Variants in PHLDB2 observed in about 807,000 individuals in gnomAD.
PHLDB2 encodes pleckstrin homology-like domain family B member 2.
In PHLDB2, 71 loss-of-function variants were observed where a neutral mutation model predicts 123.6. The ratio of observed to expected loss-of-function variants is 0.57; its 90% CI spans 0.47 to 0.70. PHLDB2 has a LOEUF of 0.70. PHLDB2 is among the 30% of genes least tolerant of loss of function. The probability of loss-of-function intolerance (pLI) is 0.00; values close to 1 mark genes in which losing one functional copy is unlikely to be tolerated. For synonymous variants in PHLDB2, 547 were observed against 541.6 expected (o/e 1.01, Z -0.14); for missense variants, 1,446 against 1,519.5 (o/e 0.95, Z 0.80).
chr3:111,905,367 T>C (rs1255206323), intron 2 of PHLDB2, among the ~76,000 whole-genome samples: 3 of 152,140 alleles, frequency 2.0e-5, no homozygotes, highest in African/African-American at 7.2e-5. Context: ...ATTTATTTAT[T>C]TATTTATTTG....
chr3:111,861,129 G>A (rs1050664295), intron 1 of PHLDB2, among the ~76,000 whole-genome samples: 1 of 152,198 alleles, frequency 6.6e-6, no homozygotes, highest in African/African-American at 2.4e-5. Flanking sequence ...GTTAGCAACA[G>A]AACTGTCGGA....
chr3:111,791,687 G>A (rs55898943), intron 1 of PHLDB2, among the ~76,000 whole-genome samples: 11,209 of 151,878 alleles, frequency 0.074, 1,115 homozygotes, highest in African/African-American at 0.23. Context: ...TCTAAATTTC[G>A]TCAGTGATAC....
chr3:111,749,697 C>T (rs2059738165), intron 1 of PHLDB2, among the ~76,000 whole-genome samples: 1 of 152,198 alleles, frequency 6.6e-6, no homozygotes, highest in Non-Finnish European at 1.5e-5. Flanking sequence ...GCCAGTAGTA[C>T]TTTTTCATTT....
intron 1 of PHLDB2, among the ~76,000 whole-genome samples, chr3:111,779,478 T>A (rs2060329731): frequency 6.6e-6 from 1 of 152,052 alleles, no homozygotes; most frequent in Non-Finnish European, 1.5e-5. Flanking sequence ...GAGCTCTCAC[T>A]TGTGGGAACA....
intron 1 of PHLDB2, among the ~76,000 whole-genome samples, chr3:111,745,396 C>T (rs1192145051): frequency 4.6e-5 from 7 of 152,132 alleles, no homozygotes; most frequent in South Asian, 2.1e-4. Context: ...TATTTCAATC[C>T]GTCTTACCAG....
At chr3:111,946,646 A>T (rs2070328591) in intron 9 of PHLDB2, among the ~76,000 whole-genome samples, 1 of 152,226 alleles carries the variant, frequency 6.6e-6, no homozygotes, top group Non-Finnish European at 1.5e-5. Context: ...ATGGAATGTC[A>T]TGGCCTAAGA....
At chr3:111,926,915 T>C (rs2068843882) in intron 5 of PHLDB2, among the ~76,000 whole-genome samples, 1 of 152,160 alleles carries the variant, frequency 6.6e-6, no homozygotes, top group Non-Finnish European at 1.5e-5. Context: ...CTATATAATC[T>C]GTGTTACCTC....
intron 1 of PHLDB2, among the ~76,000 whole-genome samples, chr3:111,739,740 G>A (rs1409850735): frequency 6.6e-6 from 1 of 152,028 alleles, no homozygotes; most frequent in African/African-American, 2.4e-5. Context: ...TGCTAACTGG[G>A]TGCCTGTGCT....
intron 1 of PHLDB2, among the ~76,000 whole-genome samples, chr3:111,736,040 T>G (rs1356688397): frequency 2.0e-5 from 3 of 152,186 alleles, no homozygotes; most frequent in Non-Finnish European, 4.4e-5. Context: ...CCCTTCCCAC[T>G]CACACAAGAT....
rs150229565 is a variant in PHLDB2 at position 111,972,328 on chromosome 3, G to A, written c.3536-1404G>A. 5.1e-3 allele frequency among the ~76,000 whole-genome samples: 774 copies of A among 152,162 alleles called. 10 individuals carry two copies. The highest frequency in any genetic ancestry group is 0.018 in the African/African-American group (736 of 41,522). ...GAGGAAAAACAAAGAAAAAAATATC[G>A]TCAATGGGCAAATAGGTTAGGATAT... On this transcript the variant is annotated intron_variant, in intron 16 of 17. Coordinates refer to ENST00000431670, the MANE Select transcript of PHLDB2 (RefSeq NM_001134438.2).
In PHLDB2 at chr3:111,839,940, CTTTTTTTTT is replaced by C. The variant is rs3082317; in HGVS notation, c.-48-5865_-48-5857del. ...TTTGTTTAAAAGCCCCCCACCCCCG[CTTTTTTTTT>C]TTTTTTTTTTTTTTTGCGCCAAGTG... On this transcript the variant is annotated intron_variant, in intron 1 of 17. Transcript: ENST00000393923. Among the ~76,000 whole-genome samples, 35 of 64,954 alleles carry C rather than the reference CTTTTTTTTT, an allele frequency of 5.4e-4. No homozygotes were observed. The Admixed American group carries it at 6.6e-3, about 12-fold the overall frequency. The allele number at this position is 64,954 out of a possible 152,430, so 42.6% of individuals were successfully genotyped here.
intron 1 of PHLDB2, among the ~76,000 whole-genome samples, chr3:111,787,510 T>G (rs1188399225): frequency 6.6e-6 from 1 of 152,196 alleles, no homozygotes; most frequent in Non-Finnish European, 1.5e-5. Flanking sequence ...TTTCATGGTG[T>G]GTGACTGTGG....
chr3:111,794,651 T>C (rs1374800268), intron 1 of PHLDB2, among the ~76,000 whole-genome samples: 4 of 152,244 alleles, frequency 2.6e-5, no homozygotes, highest in Non-Finnish European at 4.4e-5. Context: ...CACAAAAATG[T>C]ATAAGAGTAT....
chr3:111,971,687 G>A (rs1040706174), intron 16 of PHLDB2, among the ~76,000 whole-genome samples: 8 of 152,030 alleles, frequency 5.3e-5, no homozygotes, highest in Admixed American at 2.0e-4. Context: ...AGACCAGTCC[G>A]CAGGCAGTCA....
intron 1 of PHLDB2, among the ~76,000 whole-genome samples, chr3:111,872,692 G>A (rs912725824): frequency 6.6e-6 from 1 of 152,096 alleles, no homozygotes; most frequent in Non-Finnish European, 1.5e-5. Flanking sequence ...ATGGGATTAG[G>A]CCTGCTCACA....
chr3:111,851,851 C>T (rs776147979), intron 2 of PHLDB2, among the ~76,000 whole-genome samples: 22 of 152,184 alleles, frequency 1.4e-4, no homozygotes, highest in Middle Eastern at 3.4e-3. Flanking sequence ...CTCCTCCCTC[C>T]CCAGCTCAGG....
At chr3:111,740,844 A>G (rs888567982) in intron 1 of PHLDB2, among the ~76,000 whole-genome samples, 2 of 151,820 alleles carry the variant, frequency 1.3e-5, no homozygotes, top group Non-Finnish European at 2.9e-5. Context: ...ATGATTATCA[A>G]TGTCAAACTT....
At chr3:111,968,857 C>G (rs954717828) in intron 15 of PHLDB2, among the ~76,000 whole-genome samples, 9 of 152,144 alleles carry the variant, frequency 5.9e-5, no homozygotes, top group African/African-American at 1.2e-4. Context: ...TGAAGCCAAA[C>G]CAAAAAGCAC....
chr3:111,753,175 G>A (rs1181260463), intron 1 of PHLDB2, among the ~76,000 whole-genome samples: 3 of 149,582 alleles, frequency 2.0e-5, no homozygotes, highest in Non-Finnish European at 3.0e-5. Flanking sequence ...GTAATGGGAT[G>A]GCTGGGTCAA....
Sources: gnomAD v4.1 joint callset for allele counts (sites outside exome capture counted in the v4.1 genomes callset) on GRCh38, gnomAD v4.1.1 for gene constraint, MANE v1.5 for transcripts, NCBI Gene and HGNC (gene_info 2026-07-23, HGNC 2026-07-21) for gene names.